ATG5: variants seen among roughly 807,000 people sequenced by gnomAD.
ATG5 encodes the protein autophagy related 5.
Under a neutral mutation model 36.5 loss-of-function variants are expected in ATG5, and 14 were observed. That is an observed-to-expected ratio of 0.38 (90% CI 0.25 to 0.60). The LOEUF is 0.60. Among genes scored for constraint, ATG5 ranks in the 20% least tolerant of loss-of-function variants. The probability of loss-of-function intolerance (pLI) is 0.60; values close to 1 mark genes in which losing one functional copy is unlikely to be tolerated. For synonymous variants in ATG5, 95 were observed against 101.5 expected (o/e 0.94, Z 0.38); for missense variants, 195 against 326.7 (o/e 0.60, Z 3.11).
At chr6:106,210,371 T>C (rs542807081) in intron 6 of ATG5, among the ~76,000 whole-genome samples, 1 of 152,290 alleles carries the variant, frequency 6.6e-6, no homozygotes, top group Admixed American at 6.5e-5. Context: ...ATAAATCTTA[T>C]AAGAACCAAA....
chr6:106,201,735 T>C (rs1252261002), intron 7 of ATG5: 4 of 262,042 alleles, frequency 1.5e-5, no homozygotes, highest in African/African-American at 2.2e-5. Context: ...ACCAGAGATA[T>C]ACTAAGAGGA....
At chr6:106,240,115 C>T (rs1453481386) in intron 6 of ATG5, among the ~76,000 whole-genome samples, 2 of 151,816 alleles carry the variant, frequency 1.3e-5, no homozygotes, top group African/African-American at 4.8e-5. Context: ...ACCACAGAAT[C>T]CCAAACAGCT....
intron 6 of ATG5, among the ~76,000 whole-genome samples, chr6:106,206,816 T>C (rs1346412118): frequency 1.3e-5 from 2 of 152,144 alleles, no homozygotes; most frequent in Admixed American, 6.5e-5. Flanking sequence ...CCTGCAAACT[T>C]TTCAACAGCT....
intron 3 of ATG5, among the ~76,000 whole-genome samples, chr6:106,296,750 G>A (rs1488056188): frequency 1.3e-5 from 2 of 152,168 alleles, no homozygotes; most frequent in African/African-American, 4.8e-5. Flanking sequence ...CCTGGGAGGT[G>A]GAGGTTGCAG....
chr6:106,241,979 T>A (rs943679007), intron 6 of ATG5, among the ~76,000 whole-genome samples: 1 of 152,024 alleles, frequency 6.6e-6, no homozygotes, highest in Non-Finnish European at 1.5e-5. Context: ...AGAATGCTAA[T>A]ACACCCCTGT....
At chr6:106,225,210 C>A (rs1244504228) in intron 6 of ATG5, among the ~76,000 whole-genome samples, 1 of 152,208 alleles carries the variant, frequency 6.6e-6, no homozygotes. Context: ...AGCCAAATCA[C>A]CTAGTTACCT....
chr6:106,314,565 TAATA>T (rs995556682), intron 2 of ATG5, among the ~76,000 whole-genome samples: 10 of 151,970 alleles, frequency 6.6e-5, no homozygotes, highest in South Asian at 2.1e-4. Context: ...TCAAAATAAA[TAATA>T]AATAAATAAA....
intron 5 of ATG5, among the ~76,000 whole-genome samples, chr6:106,275,341 A>T (rs569483183): frequency 6.6e-6 from 1 of 152,242 alleles, no homozygotes; most frequent in Non-Finnish European, 1.5e-5. Flanking sequence ...CAGAAAATAA[A>T]GTACCAAGGA....
chr6:106,305,490 T>C (rs1483371284), intron 3 of ATG5, among the ~76,000 whole-genome samples: 2 of 152,172 alleles, frequency 1.3e-5, no homozygotes, highest in Non-Finnish European at 2.9e-5. Flanking sequence ...CTTAATTGAA[T>C]TCAGGGACAG....
At chr6:106,290,380 G>A (rs898851683) in intron 4 of ATG5, among the ~76,000 whole-genome samples, 2 of 151,820 alleles carry the variant, frequency 1.3e-5, no homozygotes, top group Non-Finnish European at 2.9e-5. Context: ...AAGTGCGGTT[G>A]TCTGATCATG....
At chr6:106,197,600 T>C (rs1462862664) in intron 7 of ATG5, among the ~76,000 whole-genome samples, 1 of 151,990 alleles carries the variant, frequency 6.6e-6, no homozygotes, top group African/African-American at 2.4e-5. Context: ...GAGTTCTCAC[T>C]GTTTTAGTTC....
intron 5 of ATG5, among the ~76,000 whole-genome samples, chr6:106,259,805 T>C (rs1463661109): frequency 1.3e-5 from 2 of 152,016 alleles, no homozygotes; most frequent in Non-Finnish European, 1.5e-5. Context: ...AAGAAGATAG[T>C]TTAAGAAAAA....
chr6:106,309,509 T>C (rs1475631652), intron 2 of ATG5, among the ~76,000 whole-genome samples: 1 of 152,122 alleles, frequency 6.6e-6, no homozygotes, highest in Non-Finnish European at 1.5e-5. Flanking sequence ...AGCTGCTGAA[T>C]AGTATTATGC....
At chr6:106,269,723 C>T (rs1222082416) in intron 5 of ATG5, among the ~76,000 whole-genome samples, 2 of 152,238 alleles carry the variant, frequency 1.3e-5, no homozygotes, top group Non-Finnish European at 2.9e-5. Context: ...AAGCCCACAC[C>T]CACCCGGAAC....
chr6:106,206,922 T>C (rs536012615), intron 6 of ATG5, among the ~76,000 whole-genome samples: 17 of 152,198 alleles, frequency 1.1e-4, no homozygotes, highest in Non-Finnish European at 2.4e-4. Context: ...AAACGTTGAT[T>C]TAGTATATAT....
At chr6:106,201,591 G>T (rs1776433102) in intron 7 of ATG5, among the ~76,000 whole-genome samples, 1 of 152,132 alleles carries the variant, frequency 6.6e-6, no homozygotes, top group South Asian at 2.1e-4. Context: ...CCATTTTTCA[G>T]TATTATCAAC....
Position 106,260,739 on chromosome 6 carries a change from T to A in ATG5, c.479-12495A>T, listed in dbSNP as rs548736381. On this transcript the variant is annotated intron_variant, in intron 5 of 7. Transcript: ENST00000369076. ...CTAAAGTAGTAAAAGAGAAACAGTA[T>A]CCAATGAGTAACAAGAAACTAGCAC... Among the ~76,000 whole-genome samples, 3 of 152,270 alleles carry A rather than the reference T, an allele frequency of 2.0e-5. No homozygotes were observed. The South Asian group carries it at 6.2e-4, about 32-fold the overall frequency.
intron 1 of ATG5, among the ~76,000 whole-genome samples, chr6:106,325,027 A>T (rs1771236227): frequency 6.6e-6 from 1 of 152,238 alleles, no homozygotes; most frequent in African/African-American, 2.4e-5. Flanking sequence ...GGATAATTTT[A>T]AAATAATCCA....
intron 6 of ATG5, among the ~76,000 whole-genome samples, chr6:106,202,930 T>C (rs1776490423): frequency 6.6e-6 from 1 of 152,084 alleles, no homozygotes; most frequent in Admixed American, 6.5e-5. Flanking sequence ...CCCAGAGTGT[T>C]AGGGTTACAG....
Sources: gnomAD v4.1 joint callset for allele counts (sites outside exome capture counted in the v4.1 genomes callset) on GRCh38, gnomAD v4.1.1 for gene constraint, MANE v1.5 for transcripts, NCBI Gene and HGNC (gene_info 2026-07-23, HGNC 2026-07-21) for gene names.